Variants in RORA observed in about 807,000 individuals in gnomAD.
RORA encodes the protein RAR related orphan receptor A.
RORA carries 7 observed loss-of-function variants against 69.5 expected under a neutral mutation model. The observed-to-expected ratio is 0.10, with a 90% CI of 0.06 to 0.19. RORA has a LOEUF of 0.19. Among genes scored for constraint, RORA ranks in the 10% least tolerant of loss-of-function variants. The pLI is 1.00. For synonymous variants in RORA, 261 were observed against 240.8 expected (o/e 1.08, Z -0.78); for missense variants, 457 against 663.0 (o/e 0.69, Z 3.41).
intron 1 of RORA, among the ~76,000 whole-genome samples, chr15:61,033,281 C>T (rs1479511108): frequency 1.3e-5 from 2 of 152,176 alleles, no homozygotes; most frequent in African/African-American, 2.4e-5. Context: ...GCTGAGTTTT[C>T]CTTTAGTCCA....
chr15:60,997,101 ATATGT>A (rs1489003561), intron 1 of RORA, among the ~76,000 whole-genome samples: 1 of 151,880 alleles, frequency 6.6e-6, no homozygotes, highest in African/African-American at 2.4e-5. Context: ...TGAAAACAAA[ATATGT>A]TAGGTGCTTG....
intron 2 of RORA, among the ~76,000 whole-genome samples, chr15:60,563,486 A>G (rs2067634790): frequency 1.3e-5 from 2 of 152,300 alleles, no homozygotes; most frequent in African/African-American, 4.8e-5. Flanking sequence ...CCTTATGTAT[A>G]TTTCCAACTA....
chr15:61,201,304 G>A (rs1005240227), intron 1 of RORA, among the ~76,000 whole-genome samples: 1 of 152,264 alleles, frequency 6.6e-6, no homozygotes, highest in Non-Finnish European at 1.5e-5. Flanking sequence ...AGAATTACAC[G>A]CAGTTTCTTG....
chr15:60,746,245 C>A (rs1352495938), intron 1 of RORA, among the ~76,000 whole-genome samples: 4 of 152,090 alleles, frequency 2.6e-5, no homozygotes, highest in East Asian at 1.9e-4. Context: ...AAGTTAAAAC[C>A]CAGCTGTAAA....
chr15:60,785,765 C>T (rs1426973690), intron 1 of RORA, among the ~76,000 whole-genome samples: 2 of 152,216 alleles, frequency 1.3e-5, no homozygotes, highest in African/African-American at 4.8e-5. Context: ...ATCATCGCTT[C>T]CTCGGGGAAG....
intron 2 of RORA, among the ~76,000 whole-genome samples, chr15:60,533,682 G>A (rs1354861073): frequency 6.6e-6 from 1 of 152,184 alleles, no homozygotes; most frequent in South Asian, 2.1e-4. Context: ...GAGAGTTATT[G>A]CCTGCTTTTC....
In RORA at chr15:61,217,839, A is replaced by G. The variant is rs2080054559; in HGVS notation, c.166+11214T>C. ...TAAATGTACTAGCATATTAATGAGC[A>G]TGTGCTAAAAGTGGCATAAAGATAC... is the stretch of plus-strand genomic sequence containing the variant. On this transcript the variant is annotated intron_variant, in intron 1 of 10. Coordinates refer to ENST00000335670, the MANE Select transcript of RORA (RefSeq NM_134261.3). Among the ~76,000 whole-genome samples the G allele has an allele frequency of 2.0e-5, 3 of 152,334 alleles. No homozygotes were observed. In the South Asian group the frequency reaches 6.2e-4, roughly 32 times the overall value.
At chr15:60,515,347 C>T (rs936474752) in intron 3 of RORA, among the ~76,000 whole-genome samples, 1 of 152,128 alleles carries the variant, frequency 6.6e-6, no homozygotes, top group Non-Finnish European at 1.5e-5. Context: ...GGGAATATTC[C>T]CTCATCCCTG....
At chr15:60,994,502 A>G (rs1374624457) in intron 1 of RORA, among the ~76,000 whole-genome samples, 2 of 152,202 alleles carry the variant, frequency 1.3e-5, no homozygotes, top group African/African-American at 4.8e-5. Flanking sequence ...CCCAGGAAAA[A>G]GGGGTCTAGG....
chr15:60,722,277 G>C (rs989997128), intron 1 of RORA, among the ~76,000 whole-genome samples: 4 of 152,142 alleles, frequency 2.6e-5, no homozygotes, highest in Admixed American at 2.6e-4. Context: ...TGTCATTAAA[G>C]AACTGAGCTT....
At chr15:60,872,672 G>T (rs79161785) in intron 1 of RORA, among the ~76,000 whole-genome samples, 6,902 of 152,186 alleles carry the variant, frequency 0.045, 233 homozygotes, top group East Asian at 0.11. Context: ...ACCACCACTT[G>T]TTGATTTGTC....
chr15:60,972,307 G>A (rs919299538), intron 1 of RORA, among the ~76,000 whole-genome samples: 1 of 152,164 alleles, frequency 6.6e-6, no homozygotes, highest in Non-Finnish European at 1.5e-5. Context: ...AAAACAACAA[G>A]GACAACAACA....
intron 1 of RORA, among the ~76,000 whole-genome samples, chr15:60,692,030 C>T (rs1567158089): frequency 1.3e-5 from 2 of 152,188 alleles, no homozygotes; most frequent in African/African-American, 2.4e-5. Context: ...ATTGAGAAAA[C>T]TATTTTGGAA....
At chr15:61,015,925 T>G (rs775888476) in intron 1 of RORA, among the ~76,000 whole-genome samples, 1 of 152,206 alleles carries the variant, frequency 6.6e-6, no homozygotes, top group African/African-American at 2.4e-5. Flanking sequence ...TTCAGTATGA[T>G]GAACACAGTT....
intron 1 of RORA, among the ~76,000 whole-genome samples, chr15:61,079,270 T>C (rs1352778807): frequency 6.6e-6 from 1 of 152,198 alleles, no homozygotes; most frequent in Admixed American, 6.5e-5. Flanking sequence ...AAAAGGTACT[T>C]ACTATTTAAA....
chr15:60,878,338 T>C (rs1480919190), intron 1 of RORA, among the ~76,000 whole-genome samples: 4 of 106,866 alleles, frequency 3.7e-5, no homozygotes, highest in Non-Finnish European at 3.7e-5. Flanking sequence ...AGCAAGACTC[T>C]GTCTCAAAAA....
chr15:61,142,149 T>A (rs141921421), intron 1 of RORA, among the ~76,000 whole-genome samples: 1 of 10,488 alleles, frequency 9.5e-5, no homozygotes, highest in Non-Finnish European at 1.3e-3. Context: ...TTTATAAAGT[T>A]TTTTTTTTTA....
intron 1 of RORA, among the ~76,000 whole-genome samples, chr15:61,200,309 T>G (rs995345667): frequency 1.3e-5 from 2 of 152,126 alleles, no homozygotes; most frequent in Non-Finnish European, 2.9e-5. Flanking sequence ...TCGCTCCTTT[T>G]TGGACCCTGC....
Position 60,737,141 on chromosome 15 carries a change from G to C in RORA, c.167-58455C>G, listed in dbSNP as rs143295893. ...ATCACTAGAGGGGATGCCAGTGGGT[G>C]GTTAGGGAAGGTATCAAATTGCATG... On this transcript the variant is annotated intron_variant, in intron 1 of 10. Transcript: ENST00000335670. Among the ~76,000 whole-genome samples the C allele has an allele frequency of 4.1e-3, 626 of 152,268 alleles. 2 individuals are homozygous for C. Among genetic ancestry groups the C allele is most frequent in the African/African-American group, 0.013 (561 of 41,556 alleles).
Sources: gnomAD v4.1 joint callset for allele counts (sites outside exome capture counted in the v4.1 genomes callset) on GRCh38, gnomAD v4.1.1 for gene constraint, MANE v1.5 for transcripts, NCBI Gene and HGNC (gene_info 2026-07-23, HGNC 2026-07-21) for gene names.